ZNF521: variants seen among roughly 807,000 people sequenced by gnomAD.
ZNF521 encodes the protein zinc finger protein 521, also known as LYST-interacting protein 3.
ZNF521 carries 14 observed loss-of-function variants against 105.5 expected under a neutral mutation model. The observed-to-expected ratio is 0.13, with a 90% CI of 0.09 to 0.21. The LOEUF (loss-of-function observed/expected upper bound fraction) is 0.21. Ranked by LOEUF, ZNF521 falls within the 10% of genes least tolerant of loss-of-function variation. The pLI, the probability that ZNF521 is intolerant of heterozygous loss-of-function variation, is 1.00. For missense variants in ZNF521, 1,233 were observed against 1,629.7 expected (o/e 0.76, Z 4.19); for synonymous variants, 635 against 606.0 (o/e 1.05, Z -0.70).
At chr18:25,223,977 C>T (rs908075239) in intron 4 of ZNF521, 2 of 248,960 alleles carry the variant, frequency 8.0e-6, no homozygotes, top group African/African-American at 2.2e-5. Context: ...TAGCATCTTA[C>T]TTTTGAGTCA....
intron 4 of ZNF521, among the ~76,000 whole-genome samples, chr18:25,213,554 T>C (rs1378634059): frequency 6.6e-6 from 1 of 152,092 alleles, no homozygotes; most frequent in East Asian, 1.9e-4. Context: ...AATACTTTGT[T>C]CAAAATTTTA....
chr18:25,071,026 CA>C (rs2033207915), intron 7 of ZNF521, among the ~76,000 whole-genome samples: 3 of 152,064 alleles, frequency 2.0e-5, no homozygotes, highest in African/African-American at 7.2e-5. Context: ...GACACAGGAA[CA>C]GGTGGTCATA....
At chr18:25,148,192 C>T (rs1600091998) in intron 5 of ZNF521, among the ~76,000 whole-genome samples, 1 of 152,128 alleles carries the variant, frequency 6.6e-6, no homozygotes, top group Non-Finnish European at 1.5e-5. Flanking sequence ...GATAATGAAT[C>T]CTGGGATTAA....
At chr18:25,102,118 C>A (rs973967911) in intron 5 of ZNF521, among the ~76,000 whole-genome samples, 8 of 152,124 alleles carry the variant, frequency 5.3e-5, no homozygotes, top group Non-Finnish European at 1.2e-4. Flanking sequence ...TGGCCTAAAA[C>A]TACTATAAAG....
At chr18:25,240,989 A>G (rs1166932368) in intron 3 of ZNF521, among the ~76,000 whole-genome samples, 1 of 151,914 alleles carries the variant, frequency 6.6e-6, no homozygotes, top group Admixed American at 6.6e-5. Context: ...AGCAATACTG[A>G]ACACTCCAAT....
intron 3 of ZNF521, among the ~76,000 whole-genome samples, chr18:25,272,057 A>G (rs541572009): frequency 2.6e-5 from 4 of 152,348 alleles, no homozygotes; most frequent in South Asian, 4.1e-4. Context: ...GAACTTAAAC[A>G]AATTTGCAAG....
chr18:25,307,370 A>G (rs1568069121), intron 3 of ZNF521, among the ~76,000 whole-genome samples: 4 of 152,222 alleles, frequency 2.6e-5, no homozygotes, highest in Admixed American at 1.3e-4. Flanking sequence ...CTCAAATGGA[A>G]TCTGACTTGA....
intron 3 of ZNF521, among the ~76,000 whole-genome samples, chr18:25,264,895 C>T (rs771475207): frequency 1.3e-5 from 2 of 151,794 alleles, no homozygotes; most frequent in African/African-American, 2.4e-5. Flanking sequence ...GAAAAGAATA[C>T]AGAGAGAGAA....
chr18:25,286,375 C>A (rs376890067), intron 3 of ZNF521, among the ~76,000 whole-genome samples: 4 of 152,204 alleles, frequency 2.6e-5, no homozygotes, highest in South Asian at 4.1e-4. Context: ...AAACTACATT[C>A]TCTGCAAAGA....
chr18:25,123,853 TA>T (rs1274907215), intron 5 of ZNF521, among the ~76,000 whole-genome samples: 2 of 152,234 alleles, frequency 1.3e-5, no homozygotes, highest in African/African-American at 4.8e-5. Flanking sequence ...GAGGATTTTT[TA>T]AAAGATCTTC....
chr18:25,089,668 G>A (rs1170621865), intron 6 of ZNF521, 88 bp from the exon 7 acceptor site: 22 of 1,011,618 alleles, frequency 2.2e-5, no homozygotes, highest in South Asian at 4.2e-5. Flanking sequence ...ACAGCAGGCC[G>A]GACAGCACGC....
intron 5 of ZNF521, among the ~76,000 whole-genome samples, chr18:25,141,440 C>T (rs2034845758): frequency 6.6e-6 from 1 of 152,130 alleles, no homozygotes; most frequent in Non-Finnish European, 1.5e-5. Context: ...TTAGGGCATC[C>T]CCTGGGGGCC....
At chr18:25,185,937 C>T (rs2035714429) in intron 5 of ZNF521, among the ~76,000 whole-genome samples, 2 of 152,250 alleles carry the variant, frequency 1.3e-5, no homozygotes, top group South Asian at 4.1e-4. Context: ...TATGATGTTT[C>T]CTGTTTGGAC....
At chr18:25,139,372 C>CAAAAAAAAAAAAAAAAAAAAAAA (rs36175281) in intron 5 of ZNF521, among the ~76,000 whole-genome samples, 51 of 51,386 alleles carry the variant, frequency 9.9e-4, no homozygotes, top group Non-Finnish European at 1.3e-3. Flanking sequence ...GACTCTGTCT[C>CAAAAAAAAAAAAAAAAAAAAAAA]AAAAAAAAAA....
At chr18:25,152,331 T>G (rs780761920) in intron 5 of ZNF521, among the ~76,000 whole-genome samples, 8 of 151,550 alleles carry the variant, frequency 5.3e-5, no homozygotes, top group Admixed American at 6.6e-5. Context: ...AAACAAAAAT[T>G]AACCTGGCGT....
At chr18:25,103,409 C>A (rs868577078) in intron 5 of ZNF521, among the ~76,000 whole-genome samples, 1 of 152,156 alleles carries the variant, frequency 6.6e-6, no homozygotes, top group African/African-American at 2.4e-5. Flanking sequence ...CTGCCTATAG[C>A]TAACTGTACT....
chr18:25,184,245 G>A (rs1461481780), intron 5 of ZNF521, among the ~76,000 whole-genome samples: 2 of 151,952 alleles, frequency 1.3e-5, no homozygotes, highest in Non-Finnish European at 2.9e-5. Context: ...CTACAATTAT[G>A]CCTTTTAAAT....
chr18:25,213,651 A>C (rs1441904186), intron 4 of ZNF521, among the ~76,000 whole-genome samples: 3 of 152,142 alleles, frequency 2.0e-5, no homozygotes, highest in African/African-American at 7.2e-5. Context: ...TATCAGATTC[A>C]TCAAATGAAC....
At chr18:25,196,254 T>G (rs2035900195) in intron 4 of ZNF521, among the ~76,000 whole-genome samples, 1 of 151,752 alleles carries the variant, frequency 6.6e-6, no homozygotes, top group Non-Finnish European at 1.5e-5. Context: ...AAATTACATT[T>G]GTAAAATCAC....
Sources: gnomAD v4.1 joint callset for allele counts (sites outside exome capture counted in the v4.1 genomes callset) on GRCh38, gnomAD v4.1.1 for gene constraint, MANE v1.5 for transcripts, NCBI Gene and HGNC (gene_info 2026-07-23, HGNC 2026-07-21) for gene names.